Variants in IQGAP2 observed in about 807,000 individuals in gnomAD.
IQGAP2 encodes ras GTPase-activating-like protein IQGAP2.
A neutral mutation model predicts 201.3 loss-of-function variants in IQGAP2; 173 were observed. That is an observed-to-expected ratio of 0.86 (90% CI 0.76 to 0.98). IQGAP2 has a LOEUF of 0.98. Among genes scored for constraint, IQGAP2 ranks in the 50% least tolerant of loss-of-function variants. The pLI, the probability that IQGAP2 is intolerant of heterozygous loss-of-function variation, is 0.00. For missense variants in IQGAP2, 1,687 were observed against 1,864.8 expected, an observed-to-expected ratio of 0.90 and a Z score of 1.76; for synonymous variants, 675 against 673.9, an observed-to-expected ratio of 1.00 and a Z score of -0.03.
intron 2 of IQGAP2, among the ~76,000 whole-genome samples, chr5:76,560,052 T>C (rs535896408): frequency 6.6e-6 from 1 of 152,364 alleles, no homozygotes; most frequent in East Asian, 1.9e-4. Flanking sequence ...TCTTTCTTAA[T>C]TGTATGTATA....
intron 3 of IQGAP2, 109 bp from the exon 4 acceptor site, chr5:76,570,471 C>T: frequency 1.3e-6 from 1 of 755,720 alleles, no homozygotes; most frequent in Non-Finnish European, 2.3e-6. Context: ...AACTCTGTTC[C>T]AGGAGAAATA....
chr5:76,565,633 T>C (rs527954276), intron 3 of IQGAP2, among the ~76,000 whole-genome samples: 76 of 152,362 alleles, frequency 5.0e-4, no homozygotes, highest in African/African-American at 1.8e-3. Flanking sequence ...CGTATGTGCC[T>C]CTATGCCCCA....
At chr5:76,536,022 C>A (rs1196493118) in intron 2 of IQGAP2, among the ~76,000 whole-genome samples, 1 of 150,174 alleles carries the variant, frequency 6.7e-6, no homozygotes, top group Non-Finnish European at 1.5e-5. Flanking sequence ...CTATTTATTT[C>A]TCCTAGCACG....
chr5:76,532,222 T>C (rs1308909766), intron 2 of IQGAP2, among the ~76,000 whole-genome samples: 10 of 152,220 alleles, frequency 6.6e-5, no homozygotes, highest in African/African-American at 2.4e-4. Flanking sequence ...AGAAACCATA[T>C]GAGACCAGGC....
chr5:76,658,677 G>C lies in IQGAP2; in HGVS notation c.2529+10G>C. The stretch of plus-strand genomic sequence containing the variant: ...CAGGATCACACTAGAGGTCAGTGGG[G>C]TTTTTGGGACTGTCAGCTCCCAGAA... On this transcript the variant is annotated intron_variant, in intron 21 of 35. Coordinates refer to ENST00000274364, the MANE Select transcript of IQGAP2 (RefSeq NM_006633.5). 1 of 1,611,276 alleles carries C rather than the reference G, an allele frequency of 6.2e-7. No individual in the cohort carries two copies. The highest frequency in any genetic ancestry group is 8.5e-7 in the Non-Finnish European group (1 of 1,178,020).
chr5:76,547,433 A>G, intron 2 of IQGAP2: 1 of 981,922 alleles, frequency 1.0e-6, no homozygotes, highest in Non-Finnish European at 1.2e-6. Context: ...AAGTGTAGGA[A>G]GGAGTTGTGG....
intron 1 of IQGAP2, among the ~76,000 whole-genome samples, chr5:76,448,359 T>C (rs149925947): frequency 1.3e-5 from 2 of 152,330 alleles, no homozygotes; most frequent in South Asian, 2.1e-4. Flanking sequence ...TCCTTACTTA[T>C]TCATGTAGCA....
chr5:76,527,800 C>CCA (rs1759056782), intron 2 of IQGAP2, among the ~76,000 whole-genome samples: 1 of 152,222 alleles, frequency 6.6e-6, no homozygotes, highest in Non-Finnish European at 1.5e-5. Context: ...CATGTCTTGG[C>CCA]TGTTTGCAGT....
intron 5 of IQGAP2, among the ~76,000 whole-genome samples, chr5:76,587,345 C>T (rs1449074228): frequency 4.8e-5 from 7 of 145,836 alleles, no homozygotes; most frequent in South Asian, 5.0e-4. Flanking sequence ...GTAACAAATA[C>T]GAAATATGCA....
At chr5:76,645,736 A>T (rs958934345) in intron 17 of IQGAP2, among the ~76,000 whole-genome samples, 1 of 152,186 alleles carries the variant, frequency 6.6e-6, no homozygotes, top group Admixed American at 6.5e-5. Flanking sequence ...AAACTCATAA[A>T]TATAGAAGAA....
Position 76,674,644 on chromosome 5 carries a change from T to C in IQGAP2, c.3462T>C (p.Phe1154=), listed in dbSNP as rs1744645895. 3 of 1,614,030 alleles carry C rather than the reference T, an allele frequency of 1.9e-6. No individual in the cohort carries two copies. Among genetic ancestry groups the C allele is most frequent in the South Asian group, 2.2e-5 (2 of 91,094 alleles). Residue 1154 remains phenylalanine (F), a synonymous_variant, in exon 27 of 36, where the codon TTT becomes TTC. Transcript: ENST00000274364. Reference sequence around the variant, plus strand: ...AGCACGCAGCCTCCAACAAGCTGTTTGAAGGAGAAAATGAGCATCTCTCAT... The same window carrying C: ...AGCACGCAGCCTCCAACAAGCTGTTCGAAGGAGAAAATGAGCATCTCTCAT... ...VLQHAASNKL[F]EGENEHLSSM...
At chr5:76,703,783 T>C (rs1343067154) in intron 35 of IQGAP2, among the ~76,000 whole-genome samples, 4 of 152,132 alleles carry the variant, frequency 2.6e-5, no homozygotes, top group African/African-American at 9.7e-5. Context: ...TAAATGGAAA[T>C]AACATCTTAC....
chr5:76,672,771 T>G (rs1744458766), intron 24 of IQGAP2, among the ~76,000 whole-genome samples: 1 of 152,104 alleles, frequency 6.6e-6, no homozygotes, highest in South Asian at 2.1e-4. Context: ...CAGACATACA[T>G]GCACAGAGGA....
At chr5:76,670,312 C>T (rs1744192834) in intron 23 of IQGAP2, among the ~76,000 whole-genome samples, 1 of 152,008 alleles carries the variant, frequency 6.6e-6, no homozygotes, top group South Asian at 2.1e-4. Flanking sequence ...GAGATCAAGA[C>T]ATACTGGCTA....
chr5:76,503,917 G>GACAGATATTCATTTGTGGAGT, intron 2 of IQGAP2, among the ~76,000 whole-genome samples: 1 of 152,296 alleles, frequency 6.6e-6, no homozygotes, highest in South Asian at 2.1e-4. Flanking sequence ...TTTTAGGCCA[G>GACAGATATTCATTTGTGGAGT]ACAGATATTC....
intron 14 of IQGAP2, among the ~76,000 whole-genome samples, chr5:76,627,701 G>C (rs1377959699): frequency 6.6e-6 from 1 of 152,170 alleles, no homozygotes; most frequent in Non-Finnish European, 1.5e-5. Flanking sequence ...CAATGTTGCT[G>C]AACAAAATCC....
intron 1 of IQGAP2, among the ~76,000 whole-genome samples, chr5:76,429,579 A>AATTTATATATATATATATTTATATAT: frequency 8.2e-6 from 1 of 122,396 alleles, no homozygotes; most frequent in African/African-American, 3.0e-5. Context: ...CTCAAAAAAA[A>AATTTATATATATATATATTTATATAT]ATTTATATAT....
chr5:76,597,667 C>T (rs1747135595), intron 10 of IQGAP2, 65 bp downstream of exon 10: 1 of 1,549,144 alleles, frequency 6.5e-7, no homozygotes, highest in Non-Finnish European at 8.9e-7. Context: ...ACTAGGGAAG[C>T]CTAGTTAGGA....
intron 9 of IQGAP2, among the ~76,000 whole-genome samples, chr5:76,596,441 T>C (rs1175106459): frequency 6.6e-6 from 1 of 152,232 alleles, no homozygotes; most frequent in Non-Finnish European, 1.5e-5. Flanking sequence ...GTTCCAAGCA[T>C]CTCAGTTTGG....
Sources: allele counts gnomAD v4.1 joint callset (sites outside exome capture counted in the v4.1 genomes callset), GRCh38; gene constraint gnomAD v4.1.1; transcripts MANE v1.5; gene names NCBI Gene and HGNC (gene_info 2026-07-23, HGNC 2026-07-21).